The following PREP variants were observed in gnomAD, a reference collection of about 807,000 sequenced individuals.
PREP encodes the protein prolyl endopeptidase.
Under a neutral mutation model 87.6 loss-of-function variants are expected in PREP, and 29 were observed. The observed-to-expected ratio is 0.33, with a 90% CI of 0.25 to 0.45. The LOEUF is 0.45. PREP is among the 20% of genes least tolerant of loss of function. PREP has a pLI of 1.00. For synonymous variants in PREP, 337 were observed against 328.6 expected, an observed-to-expected ratio of 1.03 and a Z score of -0.28; for missense variants, 695 against 886.5, an observed-to-expected ratio of 0.78 and a Z score of 2.74.
chr6:105,402,345 A>G (rs1773454236), intron 1 of PREP, among the ~76,000 whole-genome samples: 1 of 151,936 alleles, frequency 6.6e-6, no homozygotes, highest in Non-Finnish European at 1.5e-5. Context: ...TTTAAAATCG[A>G]ACGAATATGC....
At chr6:105,402,418 TCACACACACA>T (rs36086068) in intron 1 of PREP, among the ~76,000 whole-genome samples, 11 of 147,220 alleles carry the variant, frequency 7.5e-5, no homozygotes, top group East Asian at 2.0e-4. Context: ...AAATGTGACA[TCACACACACA>T]CACACACACA....
rs75194685 is a variant in PREP, at chr6:105,324,156, A to G, written c.1214-388T>C. Among the ~76,000 whole-genome samples, 1,713 of 152,318 alleles carry G rather than the reference A, an allele frequency of 0.011. 112 individuals are homozygous for G. In the East Asian group the frequency reaches 0.17, roughly 15 times the overall value. The stretch of plus-strand genomic sequence containing the variant: ...GCAGGTCAAAAAAATGGTAGACTTC[A>G]TCTAGTGCCATTTGACCTGGGAGGT... On this transcript the variant is annotated intron_variant, in intron 9 of 14. Transcript: ENST00000652536.
chr6:105,395,571 G>A (rs969536019), intron 2 of PREP, among the ~76,000 whole-genome samples: 21 of 139,642 alleles, frequency 1.5e-4, no homozygotes, highest in Admixed American at 1.3e-3. Flanking sequence ...CACAAAAATA[G>A]TGTATACTCC....
chr6:105,401,995 T>C (rs1268532030), intron 1 of PREP, among the ~76,000 whole-genome samples: 2 of 152,224 alleles, frequency 1.3e-5, no homozygotes, highest in Admixed American at 6.5e-5. Flanking sequence ...ATCCAGTTCC[T>C]AAGTCGTCAA....
chr6:105,378,116 TA>T (rs1426361397), intron 2 of PREP, among the ~76,000 whole-genome samples: 1 of 152,202 alleles, frequency 6.6e-6, no homozygotes, highest in African/African-American at 2.4e-5. Flanking sequence ...ACTACCATGT[TA>T]ATTTCAATCA....
chr6:105,373,960 T>C (rs1772622554), intron 4 of PREP, among the ~76,000 whole-genome samples: 1 of 152,198 alleles, frequency 6.6e-6, no homozygotes, highest in Non-Finnish European at 1.5e-5. Flanking sequence ...GGAAACTGCT[T>C]TTAGAGTAAT....
intron 10 of PREP, among the ~76,000 whole-genome samples, chr6:105,303,773 G>C (rs529724064): frequency 1.3e-5 from 2 of 152,142 alleles, no homozygotes; most frequent in African/African-American, 4.8e-5. Context: ...GTTAGCCAAG[G>C]TTCTGCAGAC....
At chr6:105,375,938 G>A (rs1406896074) in intron 4 of PREP, among the ~76,000 whole-genome samples, 187 bp downstream of exon 4, 1 of 152,174 alleles carries the variant, frequency 6.6e-6, no homozygotes, top group Non-Finnish European at 1.5e-5. Context: ...TGGAAAAGAG[G>A]AATGTGACTA....
chr6:105,323,918 C>A, intron 9 of PREP, 150 bp from the exon 10 acceptor site: 1 of 687,210 alleles, frequency 1.5e-6, no homozygotes. Flanking sequence ...CGAAGGCTCA[C>A]TGCAGACAAG....
At chr6:105,307,333 G>T (rs1770676537) in intron 10 of PREP, among the ~76,000 whole-genome samples, 1 of 151,936 alleles carries the variant, frequency 6.6e-6, no homozygotes, top group Non-Finnish European at 1.5e-5. Flanking sequence ...TCTGCCCAAA[G>T]CTCCTTTCCA....
At chr6:105,388,606 A>G (rs1004904721) in intron 2 of PREP, among the ~76,000 whole-genome samples, 3 of 152,184 alleles carry the variant, frequency 2.0e-5, no homozygotes, top group African/African-American at 7.2e-5. Context: ...CCCTAAATAC[A>G]TATTTCACTT....
In PREP at chr6:105,373,559, A is replaced by G. The variant is rs757084808; in HGVS notation, c.405T>C (p.Asp135=). Residue 135 remains aspartate, a synonymous_variant, in exon 5 of 15, where the codon GAT becomes GAC. Transcript: ENST00000652536. ...TCAGACCATAGGCAAAATATTCACC[A>G]TCTTCGCTGAACGCATAACCTATGG... The part of the protein sequence containing the change: ...VALRGYAFSE[D]GEYFAYGLSA... The G allele has an allele frequency of 1.7e-5, 28 of 1,614,022 alleles. No homozygotes were observed. The highest frequency in any genetic ancestry group is 2.2e-5 in the Non-Finnish European group (26 of 1,179,998).
chr6:105,349,898 T>TAAAAAAAAAAAAAAAA (rs1162063177), intron 7 of PREP, among the ~76,000 whole-genome samples: 5 of 59,454 alleles, frequency 8.4e-5, no homozygotes, highest in Non-Finnish European at 1.1e-4. Context: ...GGGAAGCAGG[T>TAAAAAAAAAAAAAAAA]AAAAAAAAAA....
intron 7 of PREP, among the ~76,000 whole-genome samples, chr6:105,351,051 C>G (rs1246890871): frequency 1.3e-5 from 2 of 152,202 alleles, no homozygotes; most frequent in African/African-American, 4.8e-5. Flanking sequence ...TACCACTGGA[C>G]TTGTTTGTTC....
Position 105,328,814 on chromosome 6 carries a change from T to A in PREP, c.1213+15A>T, listed in dbSNP as rs200849691. 2 of 1,612,662 alleles carry A rather than the reference T, an allele frequency of 1.2e-6. No homozygotes were observed. The highest frequency in any genetic ancestry group is 1.3e-5 in the African/African-American group (1 of 74,974). ...GGATTTTTAAAGTGAACAGCAACAG[T>A]GAAAAAACACTTACCTGGAGATAAA... On this transcript the variant is annotated intron_variant, in intron 9 of 14. Coordinates refer to ENST00000652536, the MANE Select transcript of PREP (RefSeq NM_002726.5).
chr6:105,376,679 A>C (rs373412500), intron 3 of PREP, among the ~76,000 whole-genome samples: 7 of 152,242 alleles, frequency 4.6e-5, no homozygotes, highest in Admixed American at 2.6e-4. Flanking sequence ...GCAAGACTGC[A>C]AATATTTCAA....
intron 2 of PREP, among the ~76,000 whole-genome samples, chr6:105,385,659 ATAT>A (rs2114723551): frequency 6.6e-6 from 1 of 152,358 alleles, no homozygotes; most frequent in Admixed American, 6.5e-5. Context: ...CATAATTTCC[ATAT>A]TATTTAAATG....
In PREP at chr6:105,273,920, C is replaced by T. The variant is rs111481133; in HGVS notation, c.*4224G>A. Among the ~76,000 whole-genome samples, 135 of 152,326 alleles carry T rather than the reference C, an allele frequency of 8.9e-4. No homozygotes were observed. Among genetic ancestry groups the T allele is most frequent in the African/African-American group, 3.0e-3 (124 of 41,574 alleles). On this transcript the variant is annotated 3_prime_UTR_variant, in exon 15 of 15. Transcript: ENST00000652536. Reference sequence around the variant, plus strand: ...CCATTGTTTGTCCCCTCATTCCGTTCGGGTCTTTGTCCGAATGTTGCTTCC... The same window carrying T: ...CCATTGTTTGTCCCCTCATTCCGTTTGGGTCTTTGTCCGAATGTTGCTTCC...
chr6:105,347,975 A>C (rs1771841315), intron 7 of PREP, among the ~76,000 whole-genome samples: 2 of 152,204 alleles, frequency 1.3e-5, no homozygotes, highest in Non-Finnish European at 2.9e-5. Flanking sequence ...AAATCCAGAC[A>C]AATTATTTTC....
Sources: allele counts gnomAD v4.1 joint callset (sites outside exome capture counted in the v4.1 genomes callset), GRCh38; gene constraint gnomAD v4.1.1; transcripts MANE v1.5; gene names NCBI Gene and HGNC (gene_info 2026-07-23, HGNC 2026-07-21).